Variants in PCGF3 observed in about 807,000 individuals in gnomAD.
The protein encoded by PCGF3 is polycomb group ring finger 3.
PCGF3 carries 7 observed loss-of-function variants against 33.1 expected under a neutral mutation model. The observed-to-expected ratio is 0.21, with a 90% CI of 0.12 to 0.40. The LOEUF (loss-of-function observed/expected upper bound fraction) is 0.40. Among genes scored for constraint, PCGF3 ranks in the 10% least tolerant of loss-of-function variants. The pLI, the probability that PCGF3 is intolerant of heterozygous loss-of-function variation, is 1.00. For missense variants in PCGF3, 211 were observed against 313.3 expected, an observed-to-expected ratio of 0.67 and a Z score of 2.46; for synonymous variants, 153 against 121.3, an observed-to-expected ratio of 1.26 and a Z score of -1.72.
chr4:726,933 GC>G (rs1560201491), intron 1 of PCGF3, among the ~76,000 whole-genome samples: 1 of 152,180 alleles, frequency 6.6e-6, no homozygotes, highest in Non-Finnish European at 1.5e-5. Context: ...TCCCTGCCTT[GC>G]CTGGACTGTG....
chr4:758,492 C>A (rs904070691), intron 8 of PCGF3, among the ~76,000 whole-genome samples: 1 of 93,250 alleles, frequency 1.1e-5, no homozygotes, highest in South Asian at 4.4e-4. Flanking sequence ...CTCTCCCGAG[C>A]TCTTCTCGCT....
exon 3 of PCGF3, chr4:731,010 G>A: frequency 2.5e-6 from 1 of 398,612 alleles, no homozygotes; most frequent in Non-Finnish European, 4.4e-6. Flanking sequence ...GGGTGCAGAA[G>A]CGAGTCCGCG....
intron 8 of PCGF3, among the ~76,000 whole-genome samples, chr4:755,557 T>C (rs1426658747): frequency 6.6e-6 from 1 of 152,236 alleles, no homozygotes; most frequent in Non-Finnish European, 1.5e-5. Context: ...CATAATTAAA[T>C]GTATCGGTAT....
In PCGF3 at chr4:751,180, G is replaced by T. The variant is rs187245584; in HGVS notation, c.462+6492G>T. Among the ~76,000 whole-genome samples the T allele has an allele frequency of 1.1e-3, 164 of 152,168 alleles. 1 individual carries two copies. The highest frequency in any genetic ancestry group is 3.8e-3 in the Admixed American group (58 of 15,282). ...GCCCTTAAACTTGGATTCCGTGTCC[G>T]TTTGTGGGATTATCCGCGTCTATAA... On this transcript the variant is annotated intron_variant, in intron 8 of 10. Transcript: ENST00000362003.
At chr4:728,478 C>A (rs996599428) in intron 1 of PCGF3, among the ~76,000 whole-genome samples, 1 of 150,530 alleles carries the variant, frequency 6.6e-6, no homozygotes, top group Non-Finnish European at 1.5e-5. Context: ...TGGCGTAGAG[C>A]GCGTTGGGGG....
intron 1 of PCGF3, among the ~76,000 whole-genome samples, chr4:727,667 G>A (rs1483824745): frequency 6.6e-6 from 1 of 152,036 alleles, no homozygotes; most frequent in Non-Finnish European, 1.5e-5. Flanking sequence ...TTTCCCATAG[G>A]CATTAAGCCC....
chr4:733,806 C>G lies in PCGF3; in HGVS notation c.109+17C>G, dbSNP rs200826324. On this transcript the variant is annotated intron_variant, in intron 4 of 10. Coordinates refer to ENST00000362003, the Ensembl canonical transcript of PCGF3. ...TGCACACCTGTACGTGCCCTGCCCG[C>G]GCCACCCAGGGAGGGCGCGCCCTTC... The G allele has an allele frequency of 5.6e-6, 9 of 1,613,592 alleles. No homozygotes were observed. The Admixed American group carries it at 1.5e-4, about 27-fold the overall frequency.
At chr4:742,957 G>T (rs2152590253) in intron 6 of PCGF3, among the ~76,000 whole-genome samples, 1 of 152,358 alleles carries the variant, frequency 6.6e-6, no homozygotes, top group East Asian at 1.9e-4. Flanking sequence ...CCTCAGTGGT[G>T]GCCTTGGGTA....
At chr4:761,234 G>T in intron 8 of PCGF3, 45 bp from the exon 9 acceptor site, 2 of 1,509,406 alleles carry the variant, frequency 1.3e-6, no homozygotes, top group South Asian at 2.6e-5. Context: ...AGAACCGTCC[G>T]GGGGAACCCT....
At chr4:731,640 A>C (rs1222630026) in intron 3 of PCGF3, among the ~76,000 whole-genome samples, 1 of 52,204 alleles carries the variant, frequency 1.9e-5, no homozygotes, top group Non-Finnish European at 4.0e-5. Flanking sequence ...TCAGGGGCGT[A>C]GGGCGGGGCT....
At chr4:736,738 C>T (rs113167215) in intron 5 of PCGF3, among the ~76,000 whole-genome samples, 31 of 123,842 alleles carry the variant, frequency 2.5e-4, no homozygotes, top group African/African-American at 6.0e-4. Context: ...GCGCACGGGA[C>T]GCGGGGAACC....
At chr4:743,773 C>T (rs1466479235) in intron 7 of PCGF3, 189 bp downstream of exon 7, 1 of 520,028 alleles carries the variant, frequency 1.9e-6, no homozygotes, top group African/African-American at 1.9e-5. Context: ...GGAACGTGGG[C>T]AGAGGGGAAA....
In PCGF3 at chr4:720,682, G is replaced by T. The variant is rs950018521; in HGVS notation, c.-189-9948G>T. Among the ~76,000 whole-genome samples the T allele has an allele frequency of 6.6e-6, 1 of 151,618 alleles. No individual in the cohort carries two copies. The highest frequency in any genetic ancestry group is 2.4e-5 in the African/African-American group (1 of 41,210). On this transcript the variant is annotated intron_variant, in intron 1 of 10. Coordinates refer to ENST00000362003, the Ensembl canonical transcript of PCGF3. This position sits in a 1 kb window ranked among gnomAD's most constrained non-coding sequence, Gnocchi z 5.6. ...GTGACGTGCGTGTGGACCCGGGGTG[G>T]ACGGGCGGTGACGTGCGTGTGGACC...
chr4:766,038 C>A, exon 11 of PCGF3: 1 of 1,614,096 alleles, frequency 6.2e-7, no homozygotes, highest in Non-Finnish European at 8.5e-7. Context: ...CCAGAAGGCG[C>A]CGCTCCTGCT....
intron 9 of PCGF3, among the ~76,000 whole-genome samples, chr4:763,607 T>C (rs1745191818): frequency 6.6e-6 from 1 of 152,222 alleles, no homozygotes; most frequent in Admixed American, 6.5e-5. Context: ...CGCAGGTTCA[T>C]TCCTGTGGGA....
rs944903772 is a variant in PCGF3, at chr4:710,258, G to T, written c.-190+4288G>T. Among the ~76,000 whole-genome samples, 14 of 152,374 alleles carry T rather than the reference G, an allele frequency of 9.2e-5. 3 individuals are homozygous for T. The highest frequency in any genetic ancestry group is 6.5e-5 in the Admixed American group (1 of 15,314). On this transcript the variant is annotated intron_variant, in intron 1 of 10. Transcript: ENST00000362003. ...ACTGGGGAGGGTCCGCAGCCAGGCT[G>T]TGTCACGTGACTGTGGGCTGGAGAC...
Position 756,595 on chromosome 4 carries a change from A to G in PCGF3, c.463-4684A>G, listed in dbSNP as rs1204153425. On this transcript the variant is annotated intron_variant, in intron 8 of 10. Transcript: ENST00000362003. ...TTATTAAAATAATTCTAGAATTTTC[A>G]TGTTTTTTTTAACCAGCTTTCTAAA... is the stretch of plus-strand genomic sequence containing the variant. 2.0e-5 allele frequency among the ~76,000 whole-genome samples: 3 copies of G among 152,056 alleles called. No homozygotes were observed. The East Asian group carries it at 5.8e-4, about 29-fold the overall frequency.
Position 720,170 on chromosome 4 carries a change from G to A in PCGF3, c.-189-10460G>A, listed in dbSNP as rs555036722. ...GTCGCCTCATGAGGACGCCGATGTG[G>A]CCCTGCTGCCGGAGTATGCCAAGCA... On this transcript the variant is annotated intron_variant, in intron 1 of 10. Transcript: ENST00000362003. The surrounding 1 kb of genome is among the most constrained non-coding windows in gnomAD (Gnocchi z 5.6). 2.2e-4 allele frequency among the ~76,000 whole-genome samples: 34 copies of A among 152,308 alleles called. No homozygotes were observed. Among genetic ancestry groups the A allele is most frequent in the African/African-American group, 7.9e-4 (33 of 41,560 alleles).
chr4:738,117 G>A (rs1682264325), intron 6 of PCGF3, among the ~76,000 whole-genome samples: 1 of 152,234 alleles, frequency 6.6e-6, no homozygotes, highest in African/African-American at 2.4e-5. Context: ...CCAGGTCAGC[G>A]CCAGGTGGGC....
Sources: gnomAD v4.1 joint callset for allele counts (sites outside exome capture counted in the v4.1 genomes callset) on GRCh38, gnomAD v4.1.1 for gene constraint, Gnocchi (gnomAD v3.1) non-coding constraint, MANE v1.5 for transcripts, NCBI Gene and HGNC (gene_info 2026-07-23, HGNC 2026-07-21) for gene names.